The following ZNF385B variants were observed in gnomAD, a reference collection of about 807,000 sequenced individuals.
ZNF385B encodes zinc finger protein 385B.
ZNF385B carries 23 observed loss-of-function variants against 39.2 expected under a neutral mutation model. That is an observed-to-expected ratio of 0.59 (90% CI 0.42 to 0.83). The LOEUF (loss-of-function observed/expected upper bound fraction) is 0.83, where lower values mean the gene tolerates loss of function less well. ZNF385B is among the 40% of genes least tolerant of loss of function. ZNF385B has a pLI of 0.00. For synonymous variants in ZNF385B, 205 were observed against 222.6 expected (o/e 0.92, Z 0.70); for missense variants, 552 against 598.9 (o/e 0.92, Z 0.82).
At chr2:179,689,935 C>T (rs1044110047) in intron 3 of ZNF385B, among the ~76,000 whole-genome samples, 2 of 152,042 alleles carry the variant, frequency 1.3e-5, no homozygotes, top group African/African-American at 4.8e-5. Flanking sequence ...TTTCTCTCTC[C>T]TATAGCTAAA....
At chr2:179,855,544 T>C (rs1294057800) in intron 1 of ZNF385B, among the ~76,000 whole-genome samples, 2 of 152,226 alleles carry the variant, frequency 1.3e-5, no homozygotes, top group African/African-American at 4.8e-5. Flanking sequence ...TGGCACCAAA[T>C]AGATCAAAAG....
At chr2:179,712,026 T>C (rs1297114222) in intron 3 of ZNF385B, among the ~76,000 whole-genome samples, 1 of 151,952 alleles carries the variant, frequency 6.6e-6, no homozygotes, top group Non-Finnish European at 1.5e-5. Flanking sequence ...CTCTCAAACA[T>C]GGTGCCATCC....
chr2:179,486,630 TCCACTTTTAGG>T (rs1209577044), intron 5 of ZNF385B, among the ~76,000 whole-genome samples: 1 of 152,186 alleles, frequency 6.6e-6, no homozygotes, highest in Non-Finnish European at 1.5e-5. Context: ...TAAAGAAAGT[TCCACTTTTAGG>T]CCAGGTGCAG....
chr2:179,558,115 A>AT (rs554077486), intron 3 of ZNF385B, among the ~76,000 whole-genome samples: 16 of 152,232 alleles, frequency 1.1e-4, no homozygotes, highest in African/African-American at 3.4e-4. Flanking sequence ...GAGAAGACAC[A>AT]TTTTTTCAAG....
intron 3 of ZNF385B, among the ~76,000 whole-genome samples, chr2:179,554,646 C>A (rs1362580418): frequency 6.7e-6 from 1 of 148,840 alleles, no homozygotes; most frequent in Non-Finnish European, 1.5e-5. Context: ...ATGTAGAACT[C>A]CTACAGATCA....
intron 6 of ZNF385B, among the ~76,000 whole-genome samples, chr2:179,453,973 C>T (rs920048928): frequency 2.6e-5 from 4 of 152,168 alleles, no homozygotes; most frequent in African/African-American, 9.7e-5. Context: ...CTAATTCCTC[C>T]TCTTATCCCT....
intron 3 of ZNF385B, among the ~76,000 whole-genome samples, chr2:179,670,421 A>G (rs1268388359): frequency 6.6e-6 from 1 of 152,124 alleles, no homozygotes; most frequent in East Asian, 1.9e-4. Context: ...TAGTACTTCC[A>G]CCATACAGAT....
intron 3 of ZNF385B, among the ~76,000 whole-genome samples, chr2:179,582,086 G>T (rs1686595956): frequency 6.6e-6 from 1 of 152,144 alleles, no homozygotes; most frequent in South Asian, 2.1e-4. Flanking sequence ...GGCTTAGAGA[G>T]ATTTTAAAAC....
chr2:179,724,530 G>T (rs1422096903), intron 3 of ZNF385B, among the ~76,000 whole-genome samples: 2 of 152,096 alleles, frequency 1.3e-5, no homozygotes, highest in African/African-American at 4.8e-5. Context: ...TAAGAATTAA[G>T]CCTCAAAATT....
At chr2:179,705,850 G>T (rs982700442) in intron 3 of ZNF385B, among the ~76,000 whole-genome samples, 1 of 152,302 alleles carries the variant, frequency 6.6e-6, no homozygotes. Context: ...CAATAAACTT[G>T]ATGTACATAC....
At chr2:179,609,668 AGCTGT>A (rs1173115942) in intron 3 of ZNF385B, among the ~76,000 whole-genome samples, 1 of 152,192 alleles carries the variant, frequency 6.6e-6, no homozygotes, top group Admixed American at 6.5e-5. Flanking sequence ...CCTCCATAGT[AGCTGT>A]ACTAATGTGC....
intron 5 of ZNF385B, among the ~76,000 whole-genome samples, chr2:179,503,746 T>G (rs1393520037): frequency 1.3e-5 from 2 of 150,718 alleles, no homozygotes; most frequent in Non-Finnish European, 3.0e-5. Flanking sequence ...TTTGTCCTTG[T>G]GATAGTTTGC....
intron 3 of ZNF385B, among the ~76,000 whole-genome samples, chr2:179,560,823 T>A (rs188978022): frequency 7.9e-5 from 12 of 152,360 alleles, no homozygotes; most frequent in Non-Finnish European, 1.8e-4. Flanking sequence ...TACATTGTAT[T>A]AGTTTTCTTT....
chr2:179,756,111 C>A (rs1239845906), intron 3 of ZNF385B, among the ~76,000 whole-genome samples: 1 of 151,970 alleles, frequency 6.6e-6, no homozygotes, highest in Non-Finnish European at 1.5e-5. Flanking sequence ...TTTGTAGTGG[C>A]TGGTACCCGT....
At chr2:179,650,205 A>C (rs1693080129) in intron 3 of ZNF385B, among the ~76,000 whole-genome samples, 1 of 152,246 alleles carries the variant, frequency 6.6e-6, no homozygotes, top group Admixed American at 6.5e-5. Flanking sequence ...ACAGTTCTCT[A>C]GGAGATTCTA....
At chr2:179,630,368 C>G (rs1691085448) in intron 3 of ZNF385B, among the ~76,000 whole-genome samples, 1 of 152,202 alleles carries the variant, frequency 6.6e-6, no homozygotes, top group Non-Finnish European at 1.5e-5. Flanking sequence ...CTGGTGATAC[C>G]CAGACAAACA....
At chr2:179,518,755 G>A in intron 4 of ZNF385B, 117 bp from the exon 5 acceptor site, 1 of 544,792 alleles carries the variant, frequency 1.8e-6, no homozygotes, top group Non-Finnish European at 3.2e-6. Flanking sequence ...CCTAAACAAA[G>A]ATAATAAAGA....
intron 6 of ZNF385B, among the ~76,000 whole-genome samples, chr2:179,468,837 G>A (rs928934452): frequency 2.9e-4 from 40 of 140,170 alleles, no homozygotes; most frequent in Non-Finnish European, 2.9e-4. Flanking sequence ...CAGGGACTCA[G>A]GTACCAGGTT....
intron 1 of ZNF385B, among the ~76,000 whole-genome samples, chr2:179,860,376 A>G (rs1006034738): frequency 6.6e-6 from 1 of 152,108 alleles, no homozygotes; most frequent in African/African-American, 2.4e-5. Context: ...CTAGGGAAGC[A>G]TCGTCCTGCC....
Sources: allele counts gnomAD v4.1 joint callset (sites outside exome capture counted in the v4.1 genomes callset), GRCh38; gene constraint gnomAD v4.1.1; transcripts MANE v1.5; gene names NCBI Gene and HGNC (gene_info 2026-07-23, HGNC 2026-07-21).